RNF150: variants seen among roughly 807,000 people sequenced by gnomAD.
The protein encoded by RNF150 is ring finger protein 150.
RNF150 carries 24 observed loss-of-function variants against 39.3 expected under a neutral mutation model. The observed-to-expected ratio is 0.61, with a 90% confidence interval of 0.44 to 0.86. The LOEUF is 0.86. RNF150 is among the 40% of genes least tolerant of loss of function. The pLI is 0.00. For synonymous variants in RNF150, 255 were observed against 227.3 expected, an observed-to-expected ratio of 1.12 and a Z score of -1.10; for missense variants, 502 against 587.8, an observed-to-expected ratio of 0.85 and a Z score of 1.51.
chr4:140,919,980 C>A (rs144094989), intron 5 of RNF150, among the ~76,000 whole-genome samples: 85,058 of 151,058 alleles, frequency 0.56, 23,668 homozygotes, highest in East Asian at 0.89. Context: ...AACTGGCTAG[C>A]CATATGTAGA....
At chr4:140,975,054 G>A (rs1265658124) in intron 1 of RNF150, among the ~76,000 whole-genome samples, 9 of 152,038 alleles carry the variant, frequency 5.9e-5, no homozygotes, top group African/African-American at 1.9e-4. Flanking sequence ...TCAGGAGTTC[G>A]AGACCAGCCT....
intron 1 of RNF150, among the ~76,000 whole-genome samples, chr4:140,991,844 A>G (rs1249378233): frequency 6.6e-6 from 1 of 152,216 alleles, no homozygotes; most frequent in Non-Finnish European, 1.5e-5. Context: ...ATGATAGAAC[A>G]ATTATATAAA....
At chr4:140,963,119 G>A (rs1733104614) in intron 2 of RNF150, among the ~76,000 whole-genome samples, 1 of 151,970 alleles carries the variant, frequency 6.6e-6, no homozygotes, top group South Asian at 2.1e-4. Context: ...TTCTATGATT[G>A]TGAAATTTAC....
chr4:140,928,842 G>C (rs1001297033), intron 4 of RNF150, among the ~76,000 whole-genome samples: 2 of 152,110 alleles, frequency 1.3e-5, no homozygotes, highest in African/African-American at 4.8e-5. Context: ...CACCGCGCCC[G>C]GCCCTGTATC....
At chr4:140,957,772 T>C (rs918508194) in intron 2 of RNF150, among the ~76,000 whole-genome samples, 4 of 151,762 alleles carry the variant, frequency 2.6e-5, no homozygotes, top group Non-Finnish European at 4.4e-5. Context: ...AAATTGGAAA[T>C]CATCATTCTC....
chr4:141,057,993 C>T (rs1185590342), intron 1 of RNF150, among the ~76,000 whole-genome samples: 1 of 152,156 alleles, frequency 6.6e-6, no homozygotes, highest in Non-Finnish European at 1.5e-5. Context: ...TAGCAAGCTA[C>T]TGTGGCTAGG....
chr4:141,058,648 C>T (rs957696068), intron 1 of RNF150, among the ~76,000 whole-genome samples: 4 of 152,056 alleles, frequency 2.6e-5, no homozygotes, highest in African/African-American at 7.2e-5. Flanking sequence ...TCCTACCCCT[C>T]GAATTCCTCA....
At chr4:140,992,232 T>C (rs1161747231) in intron 1 of RNF150, among the ~76,000 whole-genome samples, 1 of 152,064 alleles carries the variant, frequency 6.6e-6, no homozygotes, top group East Asian at 1.9e-4. Context: ...CCAGGTGTGG[T>C]AGCTTATGCC....
chr4:141,066,249 A>G (rs944907702), intron 1 of RNF150, among the ~76,000 whole-genome samples: 3 of 152,164 alleles, frequency 2.0e-5, no homozygotes, highest in African/African-American at 7.2e-5. Context: ...GCGAAAAAAA[A>G]AAAACCATTC....
intron 1 of RNF150, among the ~76,000 whole-genome samples, chr4:141,145,934 G>A (rs904087449): frequency 1.3e-5 from 2 of 152,152 alleles, no homozygotes; most frequent in African/African-American, 4.8e-5. Context: ...CATCAAACAC[G>A]GCTGCCTCAG....
At chr4:141,037,822 TA>T (rs938713980) in intron 1 of RNF150, among the ~76,000 whole-genome samples, 6 of 152,160 alleles carry the variant, frequency 3.9e-5, no homozygotes, top group Admixed American at 3.3e-4. Context: ...ACAAATCAGT[TA>T]ATGGGGCACT....
chr4:141,208,388 AG>A (rs1173116285), intron 1 of RNF150, among the ~76,000 whole-genome samples: 3 of 152,214 alleles, frequency 2.0e-5, no homozygotes, highest in African/African-American at 7.2e-5. Flanking sequence ...AGAAAAGAAA[AG>A]GAACACCAGC....
intron 1 of RNF150, among the ~76,000 whole-genome samples, chr4:141,129,435 G>A (rs1726837719): frequency 6.6e-6 from 1 of 152,200 alleles, no homozygotes; most frequent in Non-Finnish European, 1.5e-5. Context: ...AAGACAGAAT[G>A]TAGATTAGCC....
intron 1 of RNF150, among the ~76,000 whole-genome samples, chr4:141,150,141 G>A (rs1239424598): frequency 6.6e-6 from 1 of 152,120 alleles, no homozygotes; most frequent in Non-Finnish European, 1.5e-5. Context: ...CAAAAATGGT[G>A]GGAAAATATA....
At chr4:140,980,510 C>T (rs1235056755) in intron 1 of RNF150, among the ~76,000 whole-genome samples, 1 of 151,982 alleles carries the variant, frequency 6.6e-6, no homozygotes. Context: ...TGGCTGTGTC[C>T]CCCTGCCCCC....
intron 1 of RNF150, among the ~76,000 whole-genome samples, chr4:141,048,804 G>A (rs1335199348): frequency 1.3e-5 from 2 of 152,288 alleles, no homozygotes; most frequent in South Asian, 2.1e-4. Flanking sequence ...ATTAATACAT[G>A]ACAAGAAGAA....
In RNF150 at chr4:141,155,290, G is replaced by T. The variant is rs1158634201; in HGVS notation, c.-6+57504C>A. Among the ~76,000 whole-genome samples the T allele has an allele frequency of 5.1e-5, 7 of 136,204 alleles. 1 individual carries two copies. Among genetic ancestry groups the T allele is most frequent in the African/African-American group, 1.9e-4 (7 of 36,196 alleles). 89.4% of individuals were successfully genotyped at this position (136,204 alleles called of 152,430 possible). On this transcript the variant is annotated intron_variant, in intron 1 of 7. Transcript: ENST00000420921. ...TTTTTTGTATTTTTAGTAGAGGCAGGTTTCACTATGTTGGCCAGGCTGGCC... is the reference window on the plus strand; with the variant it reads ...TTTTTTGTATTTTTAGTAGAGGCAGTTTTCACTATGTTGGCCAGGCTGGCC...
At chr4:141,123,550 CATTTT>C (rs1192479116) in intron 1 of RNF150, among the ~76,000 whole-genome samples, 1 of 150,834 alleles carries the variant, frequency 6.6e-6, no homozygotes, top group African/African-American at 2.5e-5. Flanking sequence ...CAAATGTAAT[CATTTT>C]ATTTTTTTTA....
chr4:140,987,189 G>T, intron 1 of RNF150, among the ~76,000 whole-genome samples: 1 of 151,958 alleles, frequency 6.6e-6, no homozygotes, highest in East Asian at 1.9e-4. Context: ...TAACCATACT[G>T]CCCAAAGCAA....
Sources: gnomAD v4.1 joint callset for allele counts (sites outside exome capture counted in the v4.1 genomes callset) on GRCh38, gnomAD v4.1.1 for gene constraint, MANE v1.5 for transcripts, NCBI Gene and HGNC (gene_info 2026-07-23, HGNC 2026-07-21) for gene names.